Variants in PTPRD observed in about 807,000 individuals in gnomAD.
The protein encoded by PTPRD is receptor-type tyrosine-protein phosphatase delta.
Under a neutral mutation model 214.5 loss-of-function variants are expected in PTPRD, and 34 were observed. The ratio of observed to expected loss-of-function variants is 0.16; its 90% confidence interval spans 0.12 to 0.21. PTPRD has a LOEUF of 0.21. Ranked by LOEUF, PTPRD falls within the 10% of genes least tolerant of loss-of-function variation. The probability of loss-of-function intolerance (pLI) is 1.00; values close to 1 mark genes in which losing one functional copy is unlikely to be tolerated. For missense variants in PTPRD, 2,545 were observed against 2,398.7 expected, an observed-to-expected ratio of 1.06 and a Z score of -1.27; for synonymous variants, 1,128 against 845.7, an observed-to-expected ratio of 1.33 and a Z score of -5.79.
rs375585303 is a variant in PTPRD, at chr9:10,474,554, C to A, written c.-599-133537G>T. Among the ~76,000 whole-genome samples the A allele has an allele frequency of 2.6e-5, 4 of 152,062 alleles. No individual in the cohort carries two copies. In the East Asian group the frequency reaches 7.7e-4, roughly 29 times the overall value. ...ACAATAATAGTAGGAGACTTTAACACCCCACTGTCAATATTAGATCAAAGA... is the reference window on the plus strand; with the variant it reads ...ACAATAATAGTAGGAGACTTTAACAACCCACTGTCAATATTAGATCAAAGA... On this transcript the variant is annotated intron_variant, in intron 2 of 45. Transcript: ENST00000381196.
chr9:9,340,759 A>G (rs934048090), intron 9 of PTPRD, among the ~76,000 whole-genome samples: 4 of 152,238 alleles, frequency 2.6e-5, no homozygotes, highest in African/African-American at 9.6e-5. Flanking sequence ...ACACAAGTCA[A>G]TGGTAGCTAT....
chr9:9,454,256 T>A (rs1204562838), intron 8 of PTPRD, among the ~76,000 whole-genome samples: 1 of 151,738 alleles, frequency 6.6e-6, no homozygotes, highest in Non-Finnish European at 1.5e-5. Flanking sequence ...TTTGTAGCTT[T>A]TACCCATTTT....
intron 5 of PTPRD, among the ~76,000 whole-genome samples, chr9:9,845,687 C>T (rs547925691): frequency 2.6e-5 from 4 of 151,892 alleles, no homozygotes; most frequent in Non-Finnish European, 5.9e-5. Context: ...AGAATCTACC[C>T]ATACTCGAAA....
chr9:10,175,036 T>G (rs2099238355), intron 3 of PTPRD, among the ~76,000 whole-genome samples: 1 of 152,082 alleles, frequency 6.6e-6, no homozygotes, highest in Admixed American at 6.6e-5. Flanking sequence ...TTAGACTCAT[T>G]TGCTAAGTTA....
chr9:10,567,857 A>T (rs1041804986), intron 2 of PTPRD, among the ~76,000 whole-genome samples: 6 of 151,626 alleles, frequency 4.0e-5, no homozygotes, highest in African/African-American at 1.4e-4. Flanking sequence ...ATTTTCATTA[A>T]ATTATTGGAA....
At chr9:10,238,349 C>T (rs1352511760) in intron 3 of PTPRD, among the ~76,000 whole-genome samples, 1 of 151,820 alleles carries the variant, frequency 6.6e-6, no homozygotes, top group Non-Finnish European at 1.5e-5. Flanking sequence ...CATCTCTTAC[C>T]AATCAGAACT....
intron 3 of PTPRD, among the ~76,000 whole-genome samples, chr9:10,198,353 T>C (rs1008824145): frequency 3.3e-5 from 5 of 152,082 alleles, no homozygotes; most frequent in African/African-American, 1.2e-4. Flanking sequence ...GGAGTAGTGG[T>C]CAGGCATGAA....
chr9:9,459,425 T>A (rs937575174), intron 8 of PTPRD, among the ~76,000 whole-genome samples: 4 of 152,128 alleles, frequency 2.6e-5, no homozygotes, highest in African/African-American at 7.2e-5. Flanking sequence ...CTCCGTTTTC[T>A]GACAAAATGA....
chr9:9,282,267 C>A (rs989920872), intron 9 of PTPRD, among the ~76,000 whole-genome samples: 1 of 151,042 alleles, frequency 6.6e-6, no homozygotes, highest in Non-Finnish European at 1.5e-5. Flanking sequence ...TTGATGCTAC[C>A]AAATGTACCA....
At chr9:9,013,593 A>G (rs2099521040) in intron 11 of PTPRD, among the ~76,000 whole-genome samples, 2 of 152,044 alleles carry the variant, frequency 1.3e-5, no homozygotes, top group African/African-American at 2.4e-5. Context: ...ACCTTGCTAT[A>G]TTCTCTGTAT....
intron 14 of PTPRD, among the ~76,000 whole-genome samples, chr9:8,595,188 T>TA (rs2094413098): frequency 6.7e-6 from 1 of 149,766 alleles, no homozygotes; most frequent in South Asian, 2.1e-4. Context: ...TTTTTTTTTT[T>TA]ATGGCAAATT....
chr9:9,831,360 T>C (rs1292982516), intron 5 of PTPRD, among the ~76,000 whole-genome samples: 1 of 151,954 alleles, frequency 6.6e-6, no homozygotes, highest in East Asian at 1.9e-4. Context: ...ATCCTATTAC[T>C]TATGATTTTT....
rs949091314 is a variant in PTPRD at position 8,725,176 on chromosome 9, A to T, written c.64+8604T>A. On this transcript the variant is annotated intron_variant, in intron 12 of 45. Coordinates refer to ENST00000381196, the MANE Select transcript of PTPRD (RefSeq NM_002839.4). ...AATTATTTCAAAATAGAAAAAATAA[A>T]TCACTCCCTCAGGAAAGCTGTGGAT... Among the ~76,000 whole-genome samples, 34 of 152,194 alleles carry T rather than the reference A, an allele frequency of 2.2e-4. 1 individual carries two copies. The highest frequency in any genetic ancestry group is 8.2e-4 in the African/African-American group (34 of 41,458).
At position 8,592,814 on chromosome 9, in the gene PTPRD, T is replaced by A. The variant is rs12347387; in HGVS notation, c.352+40503A>T. Among the ~76,000 whole-genome samples, 1,403 of 152,296 alleles carry A rather than the reference T, an allele frequency of 9.2e-3. 14 individuals carry two copies. The highest frequency in any genetic ancestry group is 0.032 in the African/African-American group (1,337 of 41,564). On this transcript the variant is annotated intron_variant, in intron 14 of 45. Transcript: ENST00000381196. Reference sequence around the variant, plus strand: ...GCTGCGTGTTAATGCAGCTATTACATAATATAGACTCAACGAGAAGATAAC... The same window carrying A: ...GCTGCGTGTTAATGCAGCTATTACAAAATATAGACTCAACGAGAAGATAAC...
rs553358693 is a variant in PTPRD, at chr9:8,408,496, C to T, written c.4087-3836G>A. Among the ~76,000 whole-genome samples the T allele has an allele frequency of 2.6e-5, 4 of 152,096 alleles. No individual in the cohort carries two copies. In the South Asian group the frequency reaches 6.2e-4, roughly 24 times the overall value. ...TCCTGGCCAGGCTTTCTTCAGTCTC[C>T]GTTGTGGAGAATTTTGCAAGTTAGA... On this transcript the variant is annotated intron_variant, in intron 35 of 45. Coordinates refer to ENST00000381196, the MANE Select transcript of PTPRD (RefSeq NM_002839.4).
At chr9:9,419,098 G>C (rs952049394) in intron 8 of PTPRD, among the ~76,000 whole-genome samples, 1 of 146,466 alleles carries the variant, frequency 6.8e-6, no homozygotes, top group African/African-American at 2.5e-5. Flanking sequence ...GGTAAGCTTA[G>C]TTTTATGAAT....
chr9:8,644,609 G>A (rs2096647775), intron 12 of PTPRD, among the ~76,000 whole-genome samples: 1 of 152,194 alleles, frequency 6.6e-6, no homozygotes, highest in African/African-American at 2.4e-5. Flanking sequence ...TTGGGGCCTA[G>A]TGGTTCCTGT....
At chr9:8,450,714 A>G (rs916531521) in intron 33 of PTPRD, among the ~76,000 whole-genome samples, 8 of 152,242 alleles carry the variant, frequency 5.3e-5, no homozygotes, top group African/African-American at 1.9e-4. Flanking sequence ...TTTCTAAGCA[A>G]GAAATGTCAG....
At position 9,042,623 on chromosome 9, in the gene PTPRD, T is replaced by C. The variant is rs1401576019; in HGVS notation, c.-142-23888A>G. Among the ~76,000 whole-genome samples, 19 of 147,044 alleles carry C rather than the reference T, an allele frequency of 1.3e-4. 1 individual carries two copies. Among genetic ancestry groups the C allele is most frequent in the Non-Finnish European group, 7.5e-5 (5 of 66,864 alleles). ...ATTTTTTCTTTTTTTTCTTTTCTTT[T>C]TTTTTTTTTTTGGTCTATTCAACAT... On this transcript the variant is annotated intron_variant, in intron 10 of 45. Transcript: ENST00000381196.
Sources: allele counts gnomAD v4.1 joint callset (sites outside exome capture counted in the v4.1 genomes callset), GRCh38; gene constraint gnomAD v4.1.1; transcripts MANE v1.5; gene names NCBI Gene and HGNC (gene_info 2026-07-23, HGNC 2026-07-21).